DNAH11: variants seen among roughly 807,000 people sequenced by gnomAD.
DNAH11 encodes the protein axonemal beta dynein heavy chain 11.
Under a neutral mutation model 526.0 loss-of-function variants are expected in DNAH11, and 442 were observed. The observed-to-expected ratio is 0.84, with a 90% CI of 0.78 to 0.91. The LOEUF is 0.91. Among genes scored for constraint, DNAH11 ranks in the 40% least tolerant of loss-of-function variants. DNAH11 has a pLI of 0.00. For synonymous variants in DNAH11, 2,461 were observed against 1,935.9 expected (o/e 1.27, Z -7.12); for missense variants, 6,989 against 5,448.7 (o/e 1.28, Z -8.90).
At chr7:21,607,936 CAAAAAAAAAAAAAA>C (rs34293535) in intron 20 of DNAH11, among the ~76,000 whole-genome samples, 2 of 68,648 alleles carry the variant, frequency 2.9e-5, no homozygotes, top group Non-Finnish European at 5.0e-5. Flanking sequence ...GACTTCATCT[CAAAAAAAAAAAAAA>C]AAAAAAAAAA....
chr7:21,698,328 T>C, intron 36 of DNAH11, 115 bp downstream of exon 36: 1 of 1,427,956 alleles, frequency 7.0e-7, no homozygotes, highest in Non-Finnish European at 9.4e-7. Flanking sequence ...AATTTTTTTG[T>C]ACTTAAAAAA....
At chr7:21,788,871 A>C (rs1788310411) in intron 60 of DNAH11, among the ~76,000 whole-genome samples, 1 of 152,240 alleles carries the variant, frequency 6.6e-6, no homozygotes. Flanking sequence ...TGTTTGACTT[A>C]TATCGCATTT....
At chr7:21,655,749 A>T in intron 28 of DNAH11, 83 bp from the exon 29 acceptor site, 2 of 1,367,510 alleles carry the variant, frequency 1.5e-6, no homozygotes, top group Non-Finnish European at 2.0e-6. Flanking sequence ...ACGTTTCATG[A>T]CTTCATATGG....
chr7:21,803,408 T>A (rs760150104), intron 62 of DNAH11, among the ~76,000 whole-genome samples: 1 of 152,172 alleles, frequency 6.6e-6, no homozygotes, highest in African/African-American at 2.4e-5. Flanking sequence ...TTTTGCCTCA[T>A]GGTCTCAAGA....
At chr7:21,798,497 A>G (rs1788817672) in intron 61 of DNAH11, among the ~76,000 whole-genome samples, 1 of 152,230 alleles carries the variant, frequency 6.6e-6, no homozygotes, top group South Asian at 2.1e-4. Flanking sequence ...CTGTCTCTTC[A>G]CAACTGGAAC....
intron 25 of DNAH11, among the ~76,000 whole-genome samples, chr7:21,629,210 A>T (rs1157789530): frequency 1.3e-5 from 2 of 152,052 alleles, no homozygotes; most frequent in African/African-American, 4.8e-5. Context: ...TGTTTGTGAC[A>T]TTTCTAAGGT....
At chr7:21,833,671 G>A (rs1781877181) in intron 65 of DNAH11, among the ~76,000 whole-genome samples, 2 of 151,266 alleles carry the variant, frequency 1.3e-5, no homozygotes, top group Non-Finnish European at 2.9e-5. Flanking sequence ...CTCCAGCCTG[G>A]GCAACAGAGC....
intron 62 of DNAH11, among the ~76,000 whole-genome samples, chr7:21,806,560 G>A (rs1425876235): frequency 6.6e-6 from 1 of 152,142 alleles, no homozygotes; most frequent in African/African-American, 2.4e-5. Context: ...AAGATAGCTT[G>A]CAGGGAACTG....
intron 34 of DNAH11, among the ~76,000 whole-genome samples, chr7:21,688,504 C>G (rs1323101146): frequency 6.6e-6 from 1 of 152,216 alleles, no homozygotes; most frequent in Non-Finnish European, 1.5e-5. Flanking sequence ...AAAAAACTCT[C>G]TCTATGCTGC....
intron 42 of DNAH11, 59 bp from the exon 43 acceptor site, chr7:21,717,716 G>A (rs980173216): frequency 4.4e-6 from 7 of 1,600,166 alleles, no homozygotes; most frequent in Middle Eastern, 1.7e-4. Context: ...TTTTGACTTG[G>A]TGAAATTCTG....
chr7:21,741,124 A>C (rs1252444729), intron 48 of DNAH11, among the ~76,000 whole-genome samples: 1 of 152,202 alleles, frequency 6.6e-6, no homozygotes, highest in African/African-American at 2.4e-5. Flanking sequence ...TTAATCCCTT[A>C]GGCACTGATA....
chr7:21,553,751 G>A (rs1427386944), intron 2 of DNAH11, among the ~76,000 whole-genome samples: 2 of 152,130 alleles, frequency 1.3e-5, no homozygotes, highest in African/African-American at 4.8e-5. Context: ...CTCCTTCAAG[G>A]AGGATCTTGA....
At chr7:21,766,848 T>C (rs1583672806) in intron 55 of DNAH11, among the ~76,000 whole-genome samples, 1 of 152,312 alleles carries the variant, frequency 6.6e-6, no homozygotes, top group East Asian at 1.9e-4. Context: ...TGGTGGTGGA[T>C]TGCTAGGGAA....
At position 21,674,573 on chromosome 7, in the gene DNAH11, G is replaced by A. The variant is rs1562745499; in HGVS notation, c.5329-6973G>A. On this transcript the variant is annotated intron_variant, in intron 30 of 81. Coordinates refer to ENST00000409508, the MANE Select transcript of DNAH11 (RefSeq NM_001277115.2). ...ATACAGGGTTTCGCCATGTTGACCA[G>A]GCCTGTAACTCCTAGCCTCAAGTGA... Among the ~76,000 whole-genome samples the A allele has an allele frequency of 2.0e-5, 3 of 152,208 alleles. No individual in the cohort carries two copies. The South Asian group carries it at 6.2e-4, about 32-fold the overall frequency.
At chr7:21,801,048 T>C in intron 61 of DNAH11, 89 bp from the exon 62 acceptor site, 1 of 1,408,700 alleles carries the variant, frequency 7.1e-7, no homozygotes, top group South Asian at 1.3e-5. Flanking sequence ...GTTTGTCCAT[T>C]TACCTTACAG....
In DNAH11 at chr7:21,615,164, A is replaced by G; in HGVS notation, c.3903A>G (p.Glu1301=). The G allele has an allele frequency of 1.2e-6, 2 of 1,613,020 alleles. No homozygotes were observed. Among genetic ancestry groups the G allele is most frequent in the Non-Finnish European group, 1.7e-6 (2 of 1,179,448 alleles). ...ALEEEMLQMQ[E]STRLFEVALP... is the part of the protein sequence containing the mutation. ...AAGAAGAAATGTTGCAGATGCAAGAATCTACTCGTCTTTTTGAAGTGGCTC... is the reference window on the plus strand; with the variant it reads ...AAGAAGAAATGTTGCAGATGCAAGAGTCTACTCGTCTTTTTGAAGTGGCTC... The change falls in exon 21 of 82, where the codon GAA becomes GAG. Residue 1301 remains glutamate (E), a synonymous_variant. Transcript: ENST00000409508.
At chr7:21,594,002 CAT>C (rs1784781104) in intron 14 of DNAH11, among the ~76,000 whole-genome samples, 1 of 150,378 alleles carries the variant, frequency 6.6e-6, no homozygotes, top group Non-Finnish European at 1.5e-5. Flanking sequence ...CTTCCTCTCA[CAT>C]ATCACACACA....
At chr7:21,810,587 G>A (rs950823288) in intron 63 of DNAH11, among the ~76,000 whole-genome samples, 5 of 152,150 alleles carry the variant, frequency 3.3e-5, no homozygotes, top group Non-Finnish European at 7.3e-5. Flanking sequence ...CAACAGGGGA[G>A]TAGATGGTAA....
At chr7:21,764,532 G>C (rs772130446) in intron 54 of DNAH11, among the ~76,000 whole-genome samples, 1 of 152,072 alleles carries the variant, frequency 6.6e-6, no homozygotes, top group Non-Finnish European at 1.5e-5. Context: ...GTGTCCTCAC[G>C]TACGCAGGGA....
Sources: gnomAD v4.1 joint callset for allele counts (sites outside exome capture counted in the v4.1 genomes callset) on GRCh38, gnomAD v4.1.1 for gene constraint, MANE v1.5 for transcripts, NCBI Gene and HGNC (gene_info 2026-07-23, HGNC 2026-07-21) for gene names.